The following DMD variants were observed in gnomAD, a reference collection of about 807,000 sequenced individuals.
DMD encodes mutant dystrophin.
Under a neutral mutation model 330.1 loss-of-function variants are expected in DMD, and 63 were observed. The observed-to-expected ratio is 0.19, with a 90% confidence interval of 0.16 to 0.24. DMD has a LOEUF of 0.24. DMD is among the 10% of genes least tolerant of loss of function. The probability of loss-of-function intolerance (pLI) is 1.00; values close to 1 mark genes in which losing one functional copy is unlikely to be tolerated. For missense variants in DMD, 3,344 were observed against 2,684.1 expected (o/e 1.25, Z -5.43); for synonymous variants, 1,223 against 959.8 (o/e 1.27, Z -5.07).
At chrX:32,153,814 G>A (rs748044179) in intron 44 of DMD, among the ~76,000 whole-genome samples, 3 of 111,909 alleles carry the variant, frequency 2.7e-5, no homozygotes, top group Admixed American at 9.5e-5. Context: ...ATTAATGAAC[G>A]TGCGCACCTG....
At chrX:31,960,163 TC>T (rs2095289215) in intron 45 of DMD, among the ~76,000 whole-genome samples, 1 of 110,567 alleles carries the variant, frequency 9.0e-6, no homozygotes, top group African/African-American at 3.3e-5. Context: ...TCATTAGTTT[TC>T]ATGATATTTA....
chrX:32,368,476 C>T (rs895224962), intron 34 of DMD, among the ~76,000 whole-genome samples: 1 of 111,479 alleles, frequency 9.0e-6, no homozygotes, highest in Non-Finnish European at 1.9e-5. Context: ...AGTTAGAATA[C>T]AAGGCTGCCA....
chrX:33,267,516 C>T (rs1194365131), intron 1 of DMD, among the ~76,000 whole-genome samples: 1 of 64,885 alleles, frequency 1.5e-5, no homozygotes, highest in African/African-American at 4.0e-5. Context: ...AATTCATATG[C>T]AACCAAAAAA....
chrX:31,919,710 G>A (rs896591907), intron 47 of DMD, among the ~76,000 whole-genome samples: 1 of 112,238 alleles, frequency 8.9e-6, no homozygotes, highest in Non-Finnish European at 1.9e-5. Flanking sequence ...TCTCGTCAAT[G>A]TCTTGTAATT....
intron 7 of DMD, among the ~76,000 whole-genome samples, chrX:32,743,058 T>C (rs2069508719): frequency 9.0e-6 from 1 of 111,330 alleles, no homozygotes; most frequent in Non-Finnish European, 1.9e-5. Flanking sequence ...TGTTCCAACT[T>C]CCACCTGCCA....
At chrX:32,632,472 G>A (rs771539717) in intron 11 of DMD, among the ~76,000 whole-genome samples, 16 of 112,400 alleles carry the variant, frequency 1.4e-4, no homozygotes, top group Non-Finnish European at 2.6e-4. Flanking sequence ...CTACGTGTGG[G>A]GGATCAAAGC....
chrX:32,137,220 G>C (rs938963782), intron 44 of DMD, among the ~76,000 whole-genome samples: 2 of 111,273 alleles, frequency 1.8e-5, no homozygotes, highest in African/African-American at 6.5e-5. Context: ...CACCTGATTT[G>C]TGTATGCCAT....
At chrX:33,123,424 TG>T (rs2148496564) in intron 1 of DMD, among the ~76,000 whole-genome samples, 1 of 107,693 alleles carries the variant, frequency 9.3e-6, no homozygotes, top group Non-Finnish European at 1.9e-5. Flanking sequence ...TACTTTCTTT[TG>T]TTTTTTTTTG....
At chrX:32,156,587 G>A (rs73219231) in intron 44 of DMD, among the ~76,000 whole-genome samples, 14,319 of 106,802 alleles carry the variant, frequency 0.13, 856 homozygotes, top group Admixed American at 0.19. Flanking sequence ...ATCATCAGCT[G>A]TACAGGTGTG....
chrX:32,777,329 T>C (rs1357942519), intron 7 of DMD, among the ~76,000 whole-genome samples: 1 of 84,520 alleles, frequency 1.2e-5, no homozygotes, highest in Admixed American at 1.6e-4. Context: ...GCAATTGAAA[T>C]AACTAGGATA....
chrX:32,752,373 T>G (rs929113677), intron 7 of DMD, among the ~76,000 whole-genome samples: 3 of 110,992 alleles, frequency 2.7e-5, no homozygotes, highest in Non-Finnish European at 5.7e-5. Flanking sequence ...CTTTAAGATT[T>G]GACAGCCCTG....
At chrX:31,493,119 G>C (rs1447612306) in intron 57 of DMD, among the ~76,000 whole-genome samples, 1 of 111,527 alleles carries the variant, frequency 9.0e-6, no homozygotes, top group Non-Finnish European at 1.9e-5. Context: ...AATAAGAAGG[G>C]AATACCACTC....
At chrX:32,414,479 A>G (rs1339960770) in intron 29 of DMD, among the ~76,000 whole-genome samples, 5 of 111,935 alleles carry the variant, frequency 4.5e-5, no homozygotes, top group African/African-American at 1.3e-4. Context: ...GTGCCATAAC[A>G]TATTTAATCT....
intron 2 of DMD, among the ~76,000 whole-genome samples, chrX:32,931,669 T>C (rs2089608619): frequency 9.0e-6 from 1 of 111,567 alleles, no homozygotes; most frequent in Admixed American, 9.6e-5. Flanking sequence ...TTAAAGTTAA[T>C]TTTATAGGGG....
intron 60 of DMD, among the ~76,000 whole-genome samples, chrX:31,352,988 A>AAAAGC (rs1401140085): frequency 8.9e-6 from 1 of 111,988 alleles, no homozygotes; most frequent in Non-Finnish European, 1.9e-5. Flanking sequence ...AACAGGAAGC[A>AAAAGC]AAAGCCAGAA....
chrX:31,431,170 C>T (rs1181867285), intron 60 of DMD, among the ~76,000 whole-genome samples: 1 of 110,393 alleles, frequency 9.1e-6, no homozygotes, highest in Non-Finnish European at 1.9e-5. Context: ...TTCTCTGTTA[C>T]AAAAAGATAG....
chrX:31,138,624 G>GGAGAGAGAGAGAGAGAGAGA (rs1175532244), intron 76 of DMD, among the ~76,000 whole-genome samples: 1 of 58,766 alleles, frequency 1.7e-5, no homozygotes, highest in Non-Finnish European at 3.0e-5. Flanking sequence ...CATGGCAGCA[G>GGAGAGAGAGAGAGAGAGAGA]GAGAGAGAGA....
intron 62 of DMD, among the ~76,000 whole-genome samples, chrX:31,317,392 T>C (rs1225636350): frequency 8.9e-6 from 1 of 111,756 alleles, no homozygotes. Flanking sequence ...ATATACTACA[T>C]GATGTGTTCA....
rs184187951 is a variant in DMD at position 32,298,025 on chromosome X, G to T, written c.6118-10324C>A. On this transcript the variant is annotated intron_variant, in intron 42 of 78. Coordinates refer to ENST00000357033, the MANE Select transcript of DMD (RefSeq NM_004006.3). ...CAGAGAAATATCAGAGAATGGGGTG[G>T]GTAACCCATGAAGGTACTTATGAAC... is the stretch of plus-strand genomic sequence containing the variant. 2.7e-5 allele frequency among the ~76,000 whole-genome samples: 3 copies of T among 109,561 alleles called. No individual in the cohort carries two copies. The East Asian group carries it at 8.7e-4, about 32-fold the overall frequency.
Sources: gnomAD v4.1 joint callset for allele counts (sites outside exome capture counted in the v4.1 genomes callset) on GRCh38, gnomAD v4.1.1 for gene constraint, MANE v1.5 for transcripts, NCBI Gene and HGNC (gene_info 2026-07-23, HGNC 2026-07-21) for gene names.